Variants in SLC4A4 observed in about 807,000 individuals in gnomAD.
The protein encoded by SLC4A4 is solute carrier family 4 member 4.
A neutral mutation model predicts 111.5 loss-of-function variants in SLC4A4; 27 were observed. The observed-to-expected ratio is 0.24, with a 90% CI of 0.18 to 0.33. SLC4A4 has a LOEUF of 0.33. Ranked by LOEUF, SLC4A4 falls within the 10% of genes least tolerant of loss-of-function variation. The probability of loss-of-function intolerance (pLI) is 1.00; values close to 1 mark genes in which losing one functional copy is unlikely to be tolerated. For missense variants in SLC4A4, 909 were observed against 1,315.5 expected, an observed-to-expected ratio of 0.69 and a Z score of 4.78; for synonymous variants, 443 against 463.4, an observed-to-expected ratio of 0.96 and a Z score of 0.57.
At chr4:71,370,905 A>G (rs940040885) in intron 6 of SLC4A4, among the ~76,000 whole-genome samples, 3 of 152,204 alleles carry the variant, frequency 2.0e-5, no homozygotes, top group African/African-American at 7.2e-5. Context: ...CCCTGGACCA[A>G]TCCTTCTGAG....
rs1163412515 is a variant in SLC4A4, at chr4:71,230,096, A to G, written c.-1-6480A>G. ...TCATGAAAAAAAAATCACGTTTGCAAATGGTTTATAATGGAAATAGTCCCC... is the reference window on the plus strand; with the variant it reads ...TCATGAAAAAAAAATCACGTTTGCAGATGGTTTATAATGGAAATAGTCCCC... On this transcript the variant is annotated intron_variant, in intron 1 of 25. Coordinates refer to ENST00000264485, the MANE Select transcript of SLC4A4 (RefSeq NM_001098484.3). 2.0e-5 allele frequency among the ~76,000 whole-genome samples: 3 copies of G among 152,218 alleles called. 1 individual carries two copies. The highest frequency in any genetic ancestry group is 4.4e-5 in the Non-Finnish European group (3 of 68,030).
chr4:71,311,397 C>G (rs1726147485), intron 3 of SLC4A4, among the ~76,000 whole-genome samples: 1 of 152,170 alleles, frequency 6.6e-6, no homozygotes, highest in Admixed American at 6.5e-5. Flanking sequence ...ATACATTCTT[C>G]TGAGCACCAC....
At chr4:71,442,946 C>T (rs187656372) in intron 8 of SLC4A4, among the ~76,000 whole-genome samples, 4 of 151,460 alleles carry the variant, frequency 2.6e-5, no homozygotes, top group South Asian at 2.1e-4. Context: ...TGTAGGGGCC[C>T]CTCTTGCCAT....
At chr4:71,088,343 C>A (rs983535432) in intron 1 of SLC4A4, among the ~76,000 whole-genome samples, 1 of 151,522 alleles carries the variant, frequency 6.6e-6, no homozygotes, top group African/African-American at 2.4e-5. Context: ...ACTGATGGGT[C>A]TTGACTCTTT....
intron 20 of SLC4A4, among the ~76,000 whole-genome samples, chr4:71,551,624 G>C (rs756333215): frequency 6.6e-6 from 1 of 151,934 alleles, no homozygotes; most frequent in Non-Finnish European, 1.5e-5. Flanking sequence ...GTTCTGACAT[G>C]AAAGCCAATC....
rs561112721 is a variant in SLC4A4 at position 71,238,887 on chromosome 4, G to T, written c.73+2238G>T. 7.2e-5 allele frequency among the ~76,000 whole-genome samples: 11 copies of T among 152,150 alleles called. No homozygotes were observed. In the East Asian group the frequency reaches 9.7e-4, roughly 13 times the overall value. ...TATAAAACGGTTGAAATGGACAGGG[G>T]TTTTTTGGCACATCCATGGTTCCAG... On this transcript the variant is annotated intron_variant, in intron 2 of 25. Transcript: ENST00000264485.
At chr4:71,309,521 G>A (rs74901020) in intron 3 of SLC4A4, among the ~76,000 whole-genome samples, 1 of 152,148 alleles carries the variant, frequency 6.6e-6, no homozygotes, top group Non-Finnish European at 1.5e-5. Flanking sequence ...CTCCGCTGGT[G>A]ATACCAGGCA....
intron 1 of SLC4A4, among the ~76,000 whole-genome samples, chr4:71,193,309 G>A (rs112037506): frequency 0.027 from 4,134 of 152,168 alleles, 181 homozygotes; most frequent in African/African-American, 0.094. Context: ...ACAGGTGCCC[G>A]CCACCACGTC....
chr4:71,123,355 G>C (rs1276474705), intron 2 of SLC4A4, among the ~76,000 whole-genome samples: 1 of 152,140 alleles, frequency 6.6e-6, no homozygotes, highest in East Asian at 1.9e-4. Flanking sequence ...AGAAAATGTA[G>C]ATTGCTTTCA....
At chr4:71,106,964 G>C (rs1742946313) in intron 2 of SLC4A4, among the ~76,000 whole-genome samples, 1 of 149,032 alleles carries the variant, frequency 6.7e-6, no homozygotes, top group South Asian at 2.1e-4. Flanking sequence ...AAAAAAGTCT[G>C]TAAAGAGACT....
At chr4:71,549,016 C>G (rs1434304871) in intron 20 of SLC4A4, among the ~76,000 whole-genome samples, 1 of 151,862 alleles carries the variant, frequency 6.6e-6, no homozygotes, top group Non-Finnish European at 1.5e-5. Flanking sequence ...TAATTAATTT[C>G]TGACTGGATT....
At chr4:71,520,291 T>G (rs1732809640) in intron 16 of SLC4A4, among the ~76,000 whole-genome samples, 1 of 152,190 alleles carries the variant, frequency 6.6e-6, no homozygotes, top group Admixed American at 6.5e-5. Flanking sequence ...GTTCTCTCAT[T>G]TTTAAACATT....
At chr4:71,448,249 T>C (rs563689125) in intron 9 of SLC4A4, among the ~76,000 whole-genome samples, 5 of 146,316 alleles carry the variant, frequency 3.4e-5, no homozygotes, top group South Asian at 2.1e-4. Context: ...GAACCTGAGA[T>C]GCAGAGGTTG....
intron 4 of SLC4A4, among the ~76,000 whole-genome samples, chr4:71,347,540 T>C (rs1729434683): frequency 6.6e-6 from 1 of 152,130 alleles, no homozygotes; most frequent in Non-Finnish European, 1.5e-5. Flanking sequence ...TTTTATAAAG[T>C]CATTAATCCA....
At chr4:71,241,560 T>G (rs1720225259) in intron 2 of SLC4A4, among the ~76,000 whole-genome samples, 1 of 152,100 alleles carries the variant, frequency 6.6e-6, no homozygotes, top group African/African-American at 2.4e-5. Context: ...AAAACGTAAT[T>G]TCTGAGAAGG....
At chr4:71,127,698 A>G (rs2148959817) in intron 2 of SLC4A4, among the ~76,000 whole-genome samples, 1 of 152,360 alleles carries the variant, frequency 6.6e-6, no homozygotes, top group South Asian at 2.1e-4. Flanking sequence ...TATAAAGTAT[A>G]TAGTATATCA....
intron 2 of SLC4A4, among the ~76,000 whole-genome samples, chr4:71,144,666 C>T (rs547963741): frequency 6.6e-6 from 1 of 151,514 alleles, no homozygotes; most frequent in African/African-American, 2.4e-5. Flanking sequence ...CCTTCACATC[C>T]CTTGTAAGTT....
chr4:71,226,291 T>A (rs1719045063), intron 1 of SLC4A4, among the ~76,000 whole-genome samples: 1 of 152,252 alleles, frequency 6.6e-6, no homozygotes, highest in Admixed American at 6.5e-5. Context: ...ACTTTAGGCA[T>A]ATGCCACTGT....
At chr4:71,457,008 G>A (rs192678473) in intron 12 of SLC4A4, among the ~76,000 whole-genome samples, 16 of 152,254 alleles carry the variant, frequency 1.1e-4, no homozygotes, top group African/African-American at 3.6e-4. Context: ...AAGGCAGACA[G>A]CTCAGAGATG....
Sources: allele counts gnomAD v4.1 joint callset (sites outside exome capture counted in the v4.1 genomes callset), GRCh38; gene constraint gnomAD v4.1.1; transcripts MANE v1.5; gene names NCBI Gene and HGNC (gene_info 2026-07-23, HGNC 2026-07-21).